Variants in GALNT17 observed in about 807,000 individuals in gnomAD.
GALNT17 encodes UDP-GalNAc:polypeptide N-acetylgalactosaminyltransferase-like 3.
Under a neutral mutation model 63.7 loss-of-function variants are expected in GALNT17, and 29 were observed. That is an observed-to-expected ratio of 0.46 (90% CI 0.34 to 0.62). The LOEUF (loss-of-function observed/expected upper bound fraction) is 0.62, where lower values mean the gene tolerates loss of function less well. GALNT17 is among the 20% of genes least tolerant of loss of function. The probability of loss-of-function intolerance (pLI) is 0.01; values close to 1 mark genes in which losing one functional copy is unlikely to be tolerated. For synonymous variants in GALNT17, 305 were observed against 318.3 expected (o/e 0.96, Z 0.45); for missense variants, 603 against 799.6 (o/e 0.75, Z 2.97).
At chr7:71,628,384 A>G (rs890847792) in intron 6 of GALNT17, among the ~76,000 whole-genome samples, 1 of 152,050 alleles carries the variant, frequency 6.6e-6, no homozygotes, top group East Asian at 2.0e-4. Flanking sequence ...GTGCAGTGAC[A>G]TGATCTTGGC....
rs781022638 is a variant in GALNT17, at chr7:71,387,764, AGCACAGGTAGATGCGGGTAGATG to A, written c.423-456_423-434del. Reference sequence around the variant, plus strand: ...CCTGAAGCTCAGGGCACAGGTAGGCAGCACAGGTAGATGCGGGTAGATGGCACAGGTAGATGCAGGTAGACATA... The same window carrying A: ...CCTGAAGCTCAGGGCACAGGTAGGCAGCACAGGTAGATGCAGGTAGACATA... On this transcript the variant is annotated intron_variant, in intron 2 of 10. Coordinates refer to ENST00000333538, the MANE Select transcript of GALNT17 (RefSeq NM_022479.3). 2.6e-5 allele frequency among the ~76,000 whole-genome samples: 4 copies of A among 152,266 alleles called. No individual in the cohort carries two copies. In the South Asian group the frequency reaches 6.2e-4, roughly 24 times the overall value.
At chr7:71,336,630 A>G (rs1791913439) in intron 2 of GALNT17, among the ~76,000 whole-genome samples, 2 of 152,176 alleles carry the variant, frequency 1.3e-5, no homozygotes, top group Admixed American at 1.3e-4. Context: ...TGCTTAGGAC[A>G]ATGGCCTCCA....
At chr7:71,697,466 G>T (rs140730395) in intron 9 of GALNT17, among the ~76,000 whole-genome samples, 1 of 152,150 alleles carries the variant, frequency 6.6e-6, no homozygotes, top group Non-Finnish European at 1.5e-5. Context: ...ATTCAAGTGC[G>T]CAAGTCTAGA....
intron 1 of GALNT17, among the ~76,000 whole-genome samples, chr7:71,248,183 AGAC>A (rs2116483343): frequency 6.6e-6 from 1 of 152,346 alleles, no homozygotes; most frequent in African/African-American, 2.4e-5. Flanking sequence ...GTGGCAGAAA[AGAC>A]AGAGAGAGAG....
chr7:71,532,164 C>A (rs1788731033), intron 5 of GALNT17, among the ~76,000 whole-genome samples: 1 of 152,166 alleles, frequency 6.6e-6, no homozygotes, highest in African/African-American at 2.4e-5. Flanking sequence ...AGATGGGAAA[C>A]AAGCCCTGTT....
chr7:71,331,867 TAGTG>T (rs923969833), intron 1 of GALNT17, among the ~76,000 whole-genome samples: 7 of 152,222 alleles, frequency 4.6e-5, no homozygotes, highest in African/African-American at 9.6e-5. Context: ...GCCCACCACA[TAGTG>T]AGTACTGAAT....
At chr7:71,446,195 A>G (rs1272794932) in intron 5 of GALNT17, among the ~76,000 whole-genome samples, 1 of 152,226 alleles carries the variant, frequency 6.6e-6, no homozygotes, top group Non-Finnish European at 1.5e-5. Context: ...CCAGTAGAGA[A>G]GAACAAGACC....
intron 6 of GALNT17, among the ~76,000 whole-genome samples, chr7:71,647,147 C>G (rs1476717805): frequency 2.0e-5 from 3 of 150,868 alleles, no homozygotes; most frequent in Non-Finnish European, 4.4e-5. Flanking sequence ...TGACTGCAAC[C>G]TCCACCTCCC....
At chr7:71,568,164 C>G (rs1335204022) in intron 5 of GALNT17, among the ~76,000 whole-genome samples, 1 of 152,184 alleles carries the variant, frequency 6.6e-6, no homozygotes, top group African/African-American at 2.4e-5. Context: ...GCCAGTTCCT[C>G]CATGAAGCCT....
At chr7:71,683,860 T>C (rs1051264766) in intron 9 of GALNT17, among the ~76,000 whole-genome samples, 5 of 151,732 alleles carry the variant, frequency 3.3e-5, no homozygotes, top group African/African-American at 1.2e-4. Flanking sequence ...ATACAAAAAT[T>C]AGCCAGGTGT....
At chr7:71,389,500 C>G (rs1366559970) in intron 3 of GALNT17, among the ~76,000 whole-genome samples, 1 of 152,060 alleles carries the variant, frequency 6.6e-6, no homozygotes, top group Non-Finnish European at 1.5e-5. Flanking sequence ...CATCCTGAAA[C>G]CATCTCCCCT....
rs907642600 is a variant in GALNT17, at chr7:71,327,119, G to A, written c.239-8431G>A. 3.9e-5 allele frequency among the ~76,000 whole-genome samples: 6 copies of A among 152,172 alleles called. No individual in the cohort carries two copies. In the East Asian group the frequency reaches 9.6e-4, roughly 24 times the overall value. On this transcript the variant is annotated intron_variant, in intron 1 of 10. Coordinates refer to ENST00000333538, the MANE Select transcript of GALNT17 (RefSeq NM_022479.3). ...AACTCTTTGTGTGTCAGGCACTGGAGGTGACCACATGTATGCCATTAAGGA... is the reference window on the plus strand; with the variant it reads ...AACTCTTTGTGTGTCAGGCACTGGAAGTGACCACATGTATGCCATTAAGGA...
intron 9 of GALNT17, among the ~76,000 whole-genome samples, chr7:71,682,758 C>T (rs189145596): frequency 7.3e-4 from 111 of 152,180 alleles, no homozygotes; most frequent in African/African-American, 2.4e-3. Context: ...CCCTATGCTT[C>T]CCAGGCTGGT....
chr7:71,305,916 C>A (rs1038710052), intron 1 of GALNT17, among the ~76,000 whole-genome samples: 2 of 152,182 alleles, frequency 1.3e-5, no homozygotes, highest in African/African-American at 4.8e-5. Context: ...TCCTGATTTA[C>A]AATTAAAAAA....
In GALNT17 at chr7:71,174,226, G is replaced by T. The variant is rs565329929; in HGVS notation, c.238+41186G>T. On this transcript the variant is annotated intron_variant, in intron 1 of 10. Transcript: ENST00000333538. Reference sequence around the variant, plus strand: ...CCTGGCAGATCTCCAGGGTCAGGGAGGCCTCAGAGGAAGGGACATCTGAGC... The same window carrying T: ...CCTGGCAGATCTCCAGGGTCAGGGATGCCTCAGAGGAAGGGACATCTGAGC... 7.9e-5 allele frequency among the ~76,000 whole-genome samples: 12 copies of T among 152,300 alleles called. 1 individual carries two copies. The East Asian group carries it at 2.3e-3, about 29-fold the overall frequency.
In GALNT17 at chr7:71,239,302, C is replaced by CG. The variant is rs1554343109; in HGVS notation, c.239-96248_239-96247insG. Among the ~76,000 whole-genome samples, 12 of 151,092 alleles carry CG rather than the reference C, an allele frequency of 7.9e-5. No individual in the cohort carries two copies. The South Asian group carries it at 1.5e-3, about 19-fold the overall frequency. ...TGGTGAGACCCTGTCTGTACCCCCCCCCAAAAAAAAATAAATAAAAATTAG... is the reference window on the plus strand; with the variant it reads ...TGGTGAGACCCTGTCTGTACCCCCCCGCCAAAAAAAAATAAATAAAAATTAG... On this transcript the variant is annotated intron_variant, in intron 1 of 10. Coordinates refer to ENST00000333538, the MANE Select transcript of GALNT17 (RefSeq NM_022479.3).
chr7:71,267,571 A>G (rs922617814), intron 1 of GALNT17, among the ~76,000 whole-genome samples: 13 of 152,186 alleles, frequency 8.5e-5, no homozygotes, highest in African/African-American at 3.1e-4. Flanking sequence ...CCATTTCGGT[A>G]AATATCTGTT....
At chr7:71,378,984 A>G (rs1004503568) in intron 2 of GALNT17, among the ~76,000 whole-genome samples, 5 of 152,166 alleles carry the variant, frequency 3.3e-5, no homozygotes, top group Non-Finnish European at 1.5e-5. Context: ...CCTGGGCGAC[A>G]GAGCAAAACC....
intron 6 of GALNT17, among the ~76,000 whole-genome samples, chr7:71,616,867 AG>A (rs1454814167): frequency 3.4e-4 from 1 of 2,966 alleles, no homozygotes; most frequent in African/African-American, 4.4e-4. Context: ...ATATTATAAA[AG>A]TATACATTAT....
Sources: gnomAD v4.1 joint callset for allele counts (sites outside exome capture counted in the v4.1 genomes callset) on GRCh38, gnomAD v4.1.1 for gene constraint, MANE v1.5 for transcripts, NCBI Gene and HGNC (gene_info 2026-07-23, HGNC 2026-07-21) for gene names.